Variants in SGCE observed in about 807,000 individuals in gnomAD.
The protein encoded by SGCE is sarcoglycan epsilon.
In SGCE, 26 loss-of-function variants were observed where a neutral mutation model predicts 57.8. That is an observed-to-expected ratio of 0.45 (90% CI 0.33 to 0.62). The LOEUF is 0.62. Ranked by LOEUF, SGCE falls within the 20% of genes least tolerant of loss-of-function variation. SGCE has a pLI of 0.02. For missense variants in SGCE, 468 were observed against 548.6 expected (o/e 0.85, Z 1.47); for synonymous variants, 183 against 189.5 (o/e 0.97, Z 0.28).
At chr7:94,610,233 T>C (rs1391628478) in intron 5 of SGCE, among the ~76,000 whole-genome samples, 17 of 152,128 alleles carry the variant, frequency 1.1e-4, no homozygotes. Flanking sequence ...GGGACATAGA[T>C]GACTTTTAAA....
chr7:94,595,364 A>G (rs916824629), intron 9 of SGCE, among the ~76,000 whole-genome samples: 12 of 152,284 alleles, frequency 7.9e-5, no homozygotes, highest in African/African-American at 2.9e-4. Flanking sequence ...TTAGAAGCCA[A>G]TATAAACCTT....
chr7:94,586,205 A>G (rs1280440743), intron 10 of SGCE, among the ~76,000 whole-genome samples: 1 of 152,104 alleles, frequency 6.6e-6, no homozygotes, highest in African/African-American at 2.4e-5. Context: ...AAGAAAACTG[A>G]CATGTGCATA....
rs375152952 is a variant in SGCE, at chr7:94,613,753, G to A, written c.662+5005C>T. On this transcript the variant is annotated intron_variant, in intron 5 of 10. Transcript: ENST00000648936. ...ATTGCCCAATTAATGAATATACTTTGTTATTTTATGTATATAGAAGATAAA... is the reference window on the plus strand; with the variant it reads ...ATTGCCCAATTAATGAATATACTTTATTATTTTATGTATATAGAAGATAAA... 3.3e-5 allele frequency among the ~76,000 whole-genome samples: 5 copies of A among 151,970 alleles called. No individual in the cohort carries two copies. The East Asian group carries it at 7.7e-4, about 23-fold the overall frequency.
Position 94,656,041 on chromosome 7 carries a change from G to T in SGCE, c.58C>A (p.Arg20=). Residue 20 remains arginine (R), a synonymous_variant, in exon 1 of 11, where the codon CGG becomes AGG. Coordinates refer to ENST00000648936, the MANE Select transcript of SGCE (RefSeq NM_003919.3). ...GCGGGGCTCATCCTGCGTGTCCCCC[G>T]ACCCTGTCCCGTCCAAGCACAGGGG... The part of the protein sequence containing the change: ...GDPCAWTGQG[R]GTRRMSPATT... 6.2e-7 allele frequency: 1 copy of T among 1,613,424 alleles called. No individual in the cohort carries two copies. Among genetic ancestry groups the T allele is most frequent in the Non-Finnish European group, 8.5e-7 (1 of 1,179,518 alleles).
intron 9 of SGCE, among the ~76,000 whole-genome samples, chr7:94,595,027 A>G (rs1210338101): frequency 2.0e-5 from 3 of 152,098 alleles, no homozygotes; most frequent in Non-Finnish European, 4.4e-5. Flanking sequence ...GACCGACACT[A>G]TCTATCCCTG....
chr7:94,598,840 T>C lies in SGCE; in HGVS notation c.1188A>G (p.Glu396=), dbSNP rs755528173. Residue 396 remains glutamate, a synonymous_variant, in exon 9 of 11, where the codon GAA becomes GAG. Transcript: ENST00000648936. ...TGTCTGTGTGTAAAGGAGGTATGATTTCCCCAGTCACAGGGTGGAACACAG... is the reference window on the plus strand; with the variant it reads ...TGTCTGTGTGTAAAGGAGGTATGATCTCCCCAGTCACAGGGTGGAACACAG... ...TLPVFHPVTG[E]IIPPLHTDNY... 2 of 1,613,390 alleles carry C rather than the reference T, an allele frequency of 1.2e-6. No homozygotes were observed. The highest frequency in any genetic ancestry group is 1.7e-6 in the Non-Finnish European group (2 of 1,179,302).
intron 1 of SGCE, among the ~76,000 whole-genome samples, chr7:94,649,675 T>C (rs1189510827): frequency 6.6e-6 from 1 of 152,120 alleles, no homozygotes; most frequent in Non-Finnish European, 1.5e-5. Flanking sequence ...GGCCCTTCTA[T>C]GAAAGAGAGA....
At position 94,629,701 on chromosome 7, in the gene SGCE, T is replaced by C. The variant is rs1208501941; in HGVS notation, c.232+18A>G. The stretch of plus-strand genomic sequence containing the variant: ...ATTTAGTACGTTAACTGCTTTTTTT[T>C]CCTCACAAAGAACATACCAGGTTTT... On this transcript the variant is annotated intron_variant, in intron 2 of 10. Transcript: ENST00000648936. 7 of 1,610,508 alleles carry C rather than the reference T, an allele frequency of 4.3e-6. No individual in the cohort carries two copies. Among genetic ancestry groups the C allele is most frequent in the South Asian group, 1.1e-5 (1 of 91,012 alleles).
chr7:94,653,398 T>C (rs1808157146), intron 1 of SGCE, among the ~76,000 whole-genome samples: 1 of 152,110 alleles, frequency 6.6e-6, no homozygotes, highest in African/African-American at 2.4e-5. Context: ...AAATAAATAA[T>C]ACACATTAAC....
chr7:94,628,110 T>G (rs974416565), intron 3 of SGCE, 92 bp downstream of exon 3: 14 of 1,007,782 alleles, frequency 1.4e-5, no homozygotes, highest in Non-Finnish European at 2.1e-5. Context: ...GTAACTTTAG[T>G]TTCAACACTT....
At chr7:94,641,530 A>C (rs546550853) in intron 1 of SGCE, among the ~76,000 whole-genome samples, 1 of 152,272 alleles carries the variant, frequency 6.6e-6, no homozygotes, top group African/African-American at 2.4e-5. Context: ...CAATCCAAGA[A>C]AAGGTAGAAT....
At chr7:94,591,684 A>G (rs796844690) in intron 9 of SGCE, among the ~76,000 whole-genome samples, 95 of 152,220 alleles carry the variant, frequency 6.2e-4, no homozygotes, top group African/African-American at 2.2e-3. Context: ...CTTGGAAACC[A>G]CTGATCAAAG....
chr7:94,592,621 C>G (rs960651155), intron 9 of SGCE, among the ~76,000 whole-genome samples: 1 of 152,102 alleles, frequency 6.6e-6, no homozygotes, highest in African/African-American at 2.4e-5. Flanking sequence ...AAACTTCATT[C>G]TTTAAGAATG....
chr7:94,638,931 A>G (rs1805990752), intron 1 of SGCE, among the ~76,000 whole-genome samples: 1 of 152,188 alleles, frequency 6.6e-6, no homozygotes, highest in Non-Finnish European at 1.5e-5. Context: ...AATTAACCAA[A>G]ATATGAGTTT....
chr7:94,607,936 C>CA (rs1408406692), intron 5 of SGCE, among the ~76,000 whole-genome samples: 1 of 152,066 alleles, frequency 6.6e-6, no homozygotes, highest in East Asian at 1.9e-4. Context: ...AATAACCTTC[C>CA]AAAACAGAAA....
In SGCE at chr7:94,598,753, ATGGCTCTAAG is replaced by A. The variant is rs1410074479; in HGVS notation, c.1253+12_1253+21del. ...AAAATATACATGCATATTAATAATT[ATGGCTCTAAG>A]TGGACACTTACTGCTGCGTTTGCAT... On this transcript the variant is annotated intron_variant, in intron 9 of 10. Transcript: ENST00000648936. 6.6e-7 allele frequency: 1 copy of A among 1,508,530 alleles called. No homozygotes were observed. Among genetic ancestry groups the A allele is most frequent in the Admixed American group, 1.7e-5 (1 of 59,864 alleles). 93.4% of individuals were successfully genotyped at this position (1,508,530 alleles called of 1,614,324 possible).
intron 1 of SGCE, among the ~76,000 whole-genome samples, chr7:94,652,946 C>T (rs1376794735): frequency 6.6e-6 from 1 of 152,122 alleles, no homozygotes; most frequent in African/African-American, 2.4e-5. Context: ...GAAAATTTTA[C>T]TTTGCTTAGA....
chr7:94,622,252 G>T (rs1379778678), intron 4 of SGCE: 1 of 151,978 alleles, frequency 6.6e-6, no homozygotes, highest in Non-Finnish European at 1.5e-5. Flanking sequence ...GTTTTTAGAG[G>T]GAAAAAATTC....
At chr7:94,655,719 T>A (rs955355581) in intron 1 of SGCE, among the ~76,000 whole-genome samples, 1 of 150,458 alleles carries the variant, frequency 6.6e-6, no homozygotes, top group Non-Finnish European at 1.5e-5. Flanking sequence ...GGAACAGGAA[T>A]TGGAGATGGA....
Sources: gnomAD v4.1 joint callset for allele counts (sites outside exome capture counted in the v4.1 genomes callset) on GRCh38, gnomAD v4.1.1 for gene constraint, MANE v1.5 for transcripts, NCBI Gene and HGNC (gene_info 2026-07-23, HGNC 2026-07-21) for gene names.